The following MYO3A variants were observed in gnomAD, a reference collection of about 807,000 sequenced individuals.
The protein encoded by MYO3A is myosin IIIA.
Under a neutral mutation model 192.7 loss-of-function variants are expected in MYO3A, and 180 were observed. That is an observed-to-expected ratio of 0.93 (90% confidence interval 0.83 to 1.06). The LOEUF is 1.06. Ranked by LOEUF, MYO3A falls within the 50% of genes least tolerant of loss-of-function variation. The pLI is 0.00. For missense variants in MYO3A, 1,896 were observed against 1,905.0 expected (o/e 1.00, Z 0.09); for synonymous variants, 628 against 645.3 (o/e 0.97, Z 0.41).
chr10:26,189,208 A>G (rs1173615966), intron 31 of MYO3A, among the ~76,000 whole-genome samples: 1 of 152,186 alleles, frequency 6.6e-6, no homozygotes, highest in African/African-American at 2.4e-5. Context: ...GTCTGTCTTA[A>G]TCTGCTCTTT....
At chr10:25,995,708 T>G (rs1430072025) in intron 4 of MYO3A, among the ~76,000 whole-genome samples, 1 of 152,220 alleles carries the variant, frequency 6.6e-6, no homozygotes, top group Non-Finnish European at 1.5e-5. Context: ...TGTTTGTTAG[T>G]TTTCCTTTTA....
At chr10:26,113,762 G>T (rs1838335881) in intron 17 of MYO3A, among the ~76,000 whole-genome samples, 1 of 152,102 alleles carries the variant, frequency 6.6e-6, no homozygotes, top group Admixed American at 6.5e-5. Context: ...CTTATTTCTG[G>T]CTGTGTGTCC....
chr10:25,952,729 T>C (rs532200356), intron 3 of MYO3A, among the ~76,000 whole-genome samples: 3 of 152,110 alleles, frequency 2.0e-5, no homozygotes, highest in African/African-American at 7.2e-5. Context: ...AGAAAGAAAA[T>C]TAATTTTCAG....
chr10:25,947,192 A>T (rs540601271), intron 2 of MYO3A, among the ~76,000 whole-genome samples: 1 of 152,000 alleles, frequency 6.6e-6, no homozygotes, highest in East Asian at 1.9e-4. Context: ...TGCCTATTCA[A>T]GTCTGCTCTT....
intron 34 of MYO3A, among the ~76,000 whole-genome samples, chr10:26,210,675 G>A (rs1355525668): frequency 6.6e-6 from 1 of 152,120 alleles, no homozygotes; most frequent in East Asian, 1.9e-4. Flanking sequence ...TCCTTGACAT[G>A]GTCTCAAATT....
At chr10:26,021,432 G>A in intron 7 of MYO3A, 71 bp from the exon 8 acceptor site, 1 of 1,547,052 alleles carries the variant, frequency 6.5e-7, no homozygotes. Flanking sequence ...TTAATGCTTT[G>A]TTCTAAGTAT....
At chr10:25,954,139 G>T (rs540239412) in intron 3 of MYO3A, among the ~76,000 whole-genome samples, 6 of 152,138 alleles carry the variant, frequency 3.9e-5, no homozygotes, top group Non-Finnish European at 5.9e-5. Context: ...TTAGAGCTCA[G>T]ATTTAAATTT....
At chr10:26,168,456 G>T (rs1841873506) in intron 27 of MYO3A, among the ~76,000 whole-genome samples, 1 of 152,126 alleles carries the variant, frequency 6.6e-6, no homozygotes, top group South Asian at 2.1e-4. Flanking sequence ...CACTCTTATT[G>T]TCTCATCCAA....
At chr10:26,096,134 T>G (rs1458162836) in intron 15 of MYO3A, among the ~76,000 whole-genome samples, 1 of 152,200 alleles carries the variant, frequency 6.6e-6, no homozygotes, top group African/African-American at 2.4e-5. Flanking sequence ...CCTGGAACAG[T>G]GCCTGGAAGT....
intron 4 of MYO3A, among the ~76,000 whole-genome samples, chr10:25,985,342 C>T (rs1390101774): frequency 2.0e-5 from 3 of 151,040 alleles, no homozygotes; most frequent in Non-Finnish European, 4.4e-5. Context: ...CCAAACTCAG[C>T]AGAAGAAAAG....
intron 22 of MYO3A, 146 bp downstream of exon 22, chr10:26,145,680 C>A: frequency 2.7e-6 from 2 of 741,042 alleles, no homozygotes; most frequent in Non-Finnish European, 4.8e-6. Flanking sequence ...CCTAATTATG[C>A]CCTCTGATGT....
At chr10:26,166,205 A>T (rs2131991738) in intron 27 of MYO3A, 27 bp downstream of exon 27, 1 of 1,526,492 alleles carries the variant, frequency 6.6e-7, no homozygotes, top group South Asian at 1.1e-5. Flanking sequence ...ATTTTCAGGA[A>T]AATAAATAAT....
chr10:26,029,867 G>C (rs1371074151), intron 10 of MYO3A, among the ~76,000 whole-genome samples: 2 of 152,062 alleles, frequency 1.3e-5, no homozygotes, highest in Non-Finnish European at 2.9e-5. Context: ...TCTTGAGTGG[G>C]AGGTTTTTTA....
intron 6 of MYO3A, among the ~76,000 whole-genome samples, chr10:25,998,604 A>G (rs1485116239): frequency 1.3e-5 from 2 of 152,110 alleles, no homozygotes; most frequent in African/African-American, 2.4e-5. Flanking sequence ...AGGGGCCATT[A>G]TTCTCTCCAG....
At chr10:26,001,487 A>G (rs1840810864) in intron 6 of MYO3A, among the ~76,000 whole-genome samples, 1 of 152,206 alleles carries the variant, frequency 6.6e-6, no homozygotes, top group Admixed American at 6.5e-5. Context: ...TAACTGGAGC[A>G]AACAGACTTA....
chr10:26,189,227 G>C (rs954938784), intron 31 of MYO3A, among the ~76,000 whole-genome samples: 1 of 152,150 alleles, frequency 6.6e-6, no homozygotes, highest in Non-Finnish European at 1.5e-5. Flanking sequence ...TTTAAGGACA[G>C]CAGTCACATT....
Position 26,120,819 on chromosome 10 carries a change from T to A in MYO3A, c.1903+17T>A. 6.2e-7 allele frequency: 1 copy of A among 1,613,758 alleles called. No individual in the cohort carries two copies. Among genetic ancestry groups the A allele is most frequent in the South Asian group, 1.1e-5 (1 of 91,068 alleles). ...TGGAGAACTGTAAGTTTTATTACCT[T>A]CTATTCAAAACTGAAATCTTTCAAA... is the stretch of plus-strand genomic sequence containing the variant. On this transcript the variant is annotated intron_variant, in intron 18 of 34. Coordinates refer to ENST00000642920, the MANE Select transcript of MYO3A (RefSeq NM_017433.5).
chr10:26,137,619 G>A (rs1839925918), intron 20 of MYO3A, among the ~76,000 whole-genome samples: 1 of 152,174 alleles, frequency 6.6e-6, no homozygotes, highest in African/African-American at 2.4e-5. Context: ...TGCCTGCAGG[G>A]TCGGGCAAAA....
intron 15 of MYO3A, among the ~76,000 whole-genome samples, chr10:26,093,273 G>A (rs898684020): frequency 6.6e-6 from 1 of 152,200 alleles, no homozygotes; most frequent in Non-Finnish European, 1.5e-5. Flanking sequence ...CTGATACAAT[G>A]TACATGAGTG....
Sources: allele counts gnomAD v4.1 joint callset (sites outside exome capture counted in the v4.1 genomes callset), GRCh38; gene constraint gnomAD v4.1.1; transcripts MANE v1.5; gene names NCBI Gene and HGNC (gene_info 2026-07-23, HGNC 2026-07-21).